R3HCC1L: variants seen among roughly 807,000 people sequenced by gnomAD.
The protein encoded by R3HCC1L is coiled-coil domain-containing protein R3HCC1L.
R3HCC1L carries 51 observed loss-of-function variants against 59.9 expected under a neutral mutation model. That is an observed-to-expected ratio of 0.85 (90% confidence interval 0.68 to 1.07). The LOEUF (loss-of-function observed/expected upper bound fraction) is 1.07. Ranked by LOEUF, R3HCC1L falls within the 50% of genes least tolerant of loss-of-function variation. The pLI is 0.00. For synonymous variants in R3HCC1L, 322 were observed against 315.2 expected, an observed-to-expected ratio of 1.02 and a Z score of -0.23; for missense variants, 965 against 933.0, an observed-to-expected ratio of 1.03 and a Z score of -0.45.
intron 4 of R3HCC1L, among the ~76,000 whole-genome samples, chr10:98,196,318 G>A (rs1034893820): frequency 7.2e-5 from 11 of 152,108 alleles, no homozygotes; most frequent in Non-Finnish European, 1.6e-4. Context: ...GTTCCAGTGG[G>A]ATATTTATCT....
intron 4 of R3HCC1L, among the ~76,000 whole-genome samples, chr10:98,168,099 G>T (rs181105197): frequency 4.8e-4 from 73 of 152,302 alleles, no homozygotes; most frequent in African/African-American, 1.7e-3. Flanking sequence ...CTCCAGATGT[G>T]TATTGAGGGA....
In R3HCC1L at chr10:98,234,427, T is replaced by C. The variant is rs1354822793; in HGVS notation, c.1962-19T>C. On this transcript the variant is annotated intron_variant, in intron 6 of 9. Coordinates refer to ENST00000298999, the MANE Select transcript of R3HCC1L (RefSeq NM_001351015.2). ...GTAAATTTTATTTTAGGAAATAAAA[T>C]TGTTTTTTTGTGTTGCAGAAAGAAA... The C allele has an allele frequency of 6.2e-7, 1 of 1,604,356 alleles. No homozygotes were observed. Among genetic ancestry groups the C allele is most frequent in the Non-Finnish European group, 8.5e-7 (1 of 1,173,020 alleles).
At chr10:98,149,726 T>C (rs902670648) in intron 1 of R3HCC1L, among the ~76,000 whole-genome samples, 3 of 152,270 alleles carry the variant, frequency 2.0e-5, no homozygotes, top group African/African-American at 7.2e-5. Flanking sequence ...TTTTTGAATT[T>C]GTTCAAAGAT....
At chr10:98,166,791 G>A (rs1410752012) in intron 4 of R3HCC1L, among the ~76,000 whole-genome samples, 1 of 151,858 alleles carries the variant, frequency 6.6e-6, no homozygotes, top group Non-Finnish European at 1.5e-5. Flanking sequence ...TCAGCCTCCC[G>A]AGTAGCTGGG....
intron 4 of R3HCC1L, among the ~76,000 whole-genome samples, chr10:98,168,385 C>T (rs1321363542): frequency 6.6e-6 from 1 of 152,110 alleles, no homozygotes; most frequent in African/African-American, 2.4e-5. Context: ...GCCTATAAAG[C>T]GTGAAATCAG....
chr10:98,169,575 C>G (rs941671702), intron 4 of R3HCC1L, among the ~76,000 whole-genome samples: 3 of 152,170 alleles, frequency 2.0e-5, no homozygotes, highest in African/African-American at 7.2e-5. Flanking sequence ...AGGGCCTAAA[C>G]TGTAATGAAA....
rs78368487 is a variant in R3HCC1L at position 98,170,484 on chromosome 10, A to T, written c.-15+7087A>T. On this transcript the variant is annotated intron_variant, in intron 4 of 9. Transcript: ENST00000298999. ...AGGTATGTGCTACCGTTCCCAGCTA[A>T]TTTTTTATCTTGTTTTAATTTTTTA... 1.7e-3 allele frequency among the ~76,000 whole-genome samples: 256 copies of T among 152,012 alleles called. 1 individual carries two copies. The highest frequency in any genetic ancestry group is 5.9e-3 in the African/African-American group (246 of 41,454).
chr10:98,204,054 C>T (rs1201319606), intron 4 of R3HCC1L, among the ~76,000 whole-genome samples: 1 of 152,082 alleles, frequency 6.6e-6, no homozygotes, highest in Non-Finnish European at 1.5e-5. Flanking sequence ...AGTTAAGAAG[C>T]AAATTAGATG....
At chr10:98,194,624 C>T (rs1416239589) in intron 4 of R3HCC1L, among the ~76,000 whole-genome samples, 1 of 152,026 alleles carries the variant, frequency 6.6e-6, no homozygotes, top group Non-Finnish European at 1.5e-5. Flanking sequence ...CTTGACAACT[C>T]AGTAACAAAT....
intron 4 of R3HCC1L, 52 bp downstream of exon 4, chr10:98,163,449 TA>T: frequency 9.1e-7 from 1 of 1,097,476 alleles, no homozygotes. Flanking sequence ...CTGTTTACTC[TA>T]AAGATTTGTT....
intron 4 of R3HCC1L, 78 bp downstream of exon 4, chr10:98,163,475 T>G (rs1013002626): frequency 7.6e-5 from 72 of 950,720 alleles, no homozygotes; most frequent in Middle Eastern, 2.4e-4. Flanking sequence ...TGTATTTTGT[T>G]TCTTCAGTTA....
At chr10:98,239,213 G>A (rs72826287) in intron 9 of R3HCC1L, among the ~76,000 whole-genome samples, 5,535 of 152,238 alleles carry the variant, frequency 0.036, 138 homozygotes, top group Middle Eastern at 0.092. Context: ...TGATATGACT[G>A]TTAAGAATTT....
intron 4 of R3HCC1L, among the ~76,000 whole-genome samples, chr10:98,199,229 A>G (rs1590673396): frequency 6.6e-6 from 1 of 152,236 alleles, no homozygotes; most frequent in Middle Eastern, 3.4e-3. Flanking sequence ...ATTTGAGAGT[A>G]TCTTTCCAAC....
chr10:98,238,726 A>T (rs1799392367), intron 9 of R3HCC1L, among the ~76,000 whole-genome samples: 1 of 152,134 alleles, frequency 6.6e-6, no homozygotes, highest in Non-Finnish European at 1.5e-5. Flanking sequence ...TTTTGCAGTT[A>T]TTGACATTTT....
intron 4 of R3HCC1L, among the ~76,000 whole-genome samples, chr10:98,172,707 G>A (rs761354362): frequency 5.9e-5 from 9 of 152,198 alleles, no homozygotes; most frequent in Non-Finnish European, 1.3e-4. Flanking sequence ...CCTGGCCTGA[G>A]TCTGACCACA....
intron 4 of R3HCC1L, among the ~76,000 whole-genome samples, chr10:98,170,645 A>G (rs1458867512): frequency 6.6e-6 from 1 of 152,104 alleles, no homozygotes; most frequent in African/African-American, 2.4e-5. Context: ...AGATTTGAAG[A>G]TAGGTATGCA....
At chr10:98,202,872 AT>A (rs1260843201) in intron 4 of R3HCC1L, among the ~76,000 whole-genome samples, 1 of 151,548 alleles carries the variant, frequency 6.6e-6, no homozygotes, top group Non-Finnish European at 1.5e-5. Context: ...AAAAAAAAAA[AT>A]AGAGTGGGGA....
chr10:98,223,334 A>G (rs766214816), intron 5 of R3HCC1L, among the ~76,000 whole-genome samples: 14 of 152,172 alleles, frequency 9.2e-5, no homozygotes, highest in Non-Finnish European at 1.0e-4. Context: ...CAAAAAGCTT[A>G]TCCACCATGA....
At chr10:98,187,145 C>T (rs1850301535) in intron 4 of R3HCC1L, among the ~76,000 whole-genome samples, 1 of 152,110 alleles carries the variant, frequency 6.6e-6, no homozygotes, top group African/African-American at 2.4e-5. Flanking sequence ...TTAAATCCAA[C>T]ATACTACAGA....
Sources: gnomAD v4.1 joint callset for allele counts (sites outside exome capture counted in the v4.1 genomes callset) on GRCh38, gnomAD v4.1.1 for gene constraint, MANE v1.5 for transcripts, NCBI Gene and HGNC (gene_info 2026-07-23, HGNC 2026-07-21) for gene names.